DPP6: variants seen among roughly 807,000 people sequenced by gnomAD.
DPP6 encodes A-type potassium channel modulatory protein DPP6.
A neutral mutation model predicts 122.6 loss-of-function variants in DPP6; 69 were observed. The observed-to-expected ratio is 0.56, with a 90% CI of 0.46 to 0.69. The LOEUF is 0.69. Among genes scored for constraint, DPP6 ranks in the 30% least tolerant of loss-of-function variants. DPP6 has a pLI of 0.00. For synonymous variants in DPP6, 418 were observed against 433.1 expected, an observed-to-expected ratio of 0.97 and a Z score of 0.43; for missense variants, 928 against 1,116.9, an observed-to-expected ratio of 0.83 and a Z score of 2.41.
At chr7:154,229,075 G>A (rs904198646) in intron 1 of DPP6, among the ~76,000 whole-genome samples, 6 of 152,210 alleles carry the variant, frequency 3.9e-5, no homozygotes, top group Admixed American at 3.9e-4. Flanking sequence ...GGTTTCTTGG[G>A]CGTTTTTTTT....
In DPP6 at chr7:154,755,826, G is replaced by A. The variant is rs982396338; in HGVS notation, c.884-13591G>A. Among the ~76,000 whole-genome samples, 23 of 152,312 alleles carry A rather than the reference G, an allele frequency of 1.5e-4. No homozygotes were observed. Among genetic ancestry groups the A allele is most frequent in the Admixed American group, 7.2e-4 (11 of 15,306 alleles). ...GAGGTCGGAGTGGGGCGCGTCCCAG[G>A]TCGGGAATGTTAGGACAAGGTGGCC... On this transcript the variant is annotated intron_variant, in intron 8 of 25. Coordinates refer to ENST00000377770, the MANE Select transcript of DPP6 (RefSeq NM_130797.4). The surrounding 1 kb of genome is among the most constrained non-coding windows in gnomAD (Gnocchi z 4.7).
intron 1 of DPP6, among the ~76,000 whole-genome samples, chr7:154,216,917 A>T (rs555693743): frequency 1.1e-5 from 1 of 88,468 alleles, no homozygotes; most frequent in African/African-American, 2.9e-5. Context: ...TAACTGTGGA[A>T]GTGAAACCTC....
chr7:153,934,767 G>A (rs551833629), intron 1 of DPP6, among the ~76,000 whole-genome samples: 3 of 152,212 alleles, frequency 2.0e-5, no homozygotes, highest in Admixed American at 6.5e-5. Flanking sequence ...TGCAGGAAAC[G>A]AGGAAGCAGA....
intron 6 of DPP6, among the ~76,000 whole-genome samples, chr7:154,660,556 T>C (rs1837583438): frequency 7.0e-6 from 1 of 143,656 alleles, no homozygotes; most frequent in Non-Finnish European, 1.5e-5. Context: ...ATAGTCATGG[T>C]GAATCACCAT....
chr7:153,869,017 CAGTT>C, the DPP6 span, among the ~76,000 whole-genome samples: 578 of 131,470 alleles, frequency 4.4e-3, 2 homozygotes, highest in Middle Eastern at 0.023. Flanking sequence ...GTCTGAGAGA[CAGTT>C]TGTTATAATT....
In DPP6 at chr7:153,928,395, C is replaced by CTTT. The variant is rs1467865041; in HGVS notation, c.51+40661_51+40662insTTT. Among the ~76,000 whole-genome samples the CTTT allele has an allele frequency of 7.2e-3, 216 of 29,914 alleles. 6 individuals are homozygous for CTTT. Among genetic ancestry groups the CTTT allele is most frequent in the African/African-American group, 0.024 (179 of 7,460 alleles). The allele number at this position is 29,914 out of a possible 152,430, so 19.6% of individuals were successfully genotyped here. On this transcript the variant is annotated intron_variant, in intron 1 of 25. Coordinates refer to the DPP6 transcript ENST00000404039. ...CCTGGCTAATTTTTTTCTTTTCTTTCATTTTTTTTTTTTTTTTTTTTTTTT... is the reference window on the plus strand; with the variant it reads ...CCTGGCTAATTTTTTTCTTTTCTTTCTTTATTTTTTTTTTTTTTTTTTTTTTTT...
intron 1 of DPP6, among the ~76,000 whole-genome samples, chr7:154,298,468 C>G (rs564904377): frequency 1.1e-4 from 17 of 152,260 alleles, no homozygotes; most frequent in African/African-American, 3.9e-4. Flanking sequence ...TGTGCCTGTG[C>G]TCTTATTGCA....
chr7:154,595,208 T>TG (rs1488522641), intron 5 of DPP6, among the ~76,000 whole-genome samples: 2 of 152,176 alleles, frequency 1.3e-5, no homozygotes, highest in East Asian at 3.9e-4. Flanking sequence ...CGTTGCCATC[T>TG]TCCTGCCCTT....
intron 7 of DPP6, among the ~76,000 whole-genome samples, chr7:154,669,690 A>G (rs1474921364): frequency 6.6e-6 from 1 of 152,186 alleles, no homozygotes; most frequent in East Asian, 1.9e-4. Context: ...TGACATGGTT[A>G]AAGTGGTGCC....
chr7:154,431,456 CTTTT>C lies in DPP6; in HGVS notation c.244-14757_244-14754del, dbSNP rs1818376498. On this transcript the variant is annotated intron_variant, in intron 1 of 25. Transcript: ENST00000377770. The stretch of plus-strand genomic sequence containing the variant: ...GTTTTTCTTTCCTTTCTTTTCTTTT[CTTTT>C]CTTTTCTTTTCTTTTCTTTTCTTTT... Among the ~76,000 whole-genome samples, 3 of 8,744 alleles carry C rather than the reference CTTTT, an allele frequency of 3.4e-4. 1 individual carries two copies. The highest frequency in any genetic ancestry group is 5.7e-4 in the Non-Finnish European group (3 of 5,302). 5.7% of individuals were successfully genotyped at this position (8,744 alleles called of 152,430 possible). A position where few individuals can be genotyped will look rare whatever the true frequency, so the allele number is the denominator to read the frequency against.
intron 1 of DPP6, among the ~76,000 whole-genome samples, chr7:154,187,341 G>A (rs7796632): frequency 2.0e-5 from 3 of 152,046 alleles, no homozygotes; most frequent in Non-Finnish European, 2.9e-5. Context: ...TGGCTGGAAA[G>A]TGAAGAGTAT....
the DPP6 span, among the ~76,000 whole-genome samples, chr7:153,835,303 C>T: frequency 6.6e-6 from 1 of 152,014 alleles, no homozygotes; most frequent in Non-Finnish European, 1.5e-5. Context: ...AGGCTGTCTT[C>T]CTGGTGTCTT....
chr7:154,218,451 G>A (rs944586099), intron 1 of DPP6, among the ~76,000 whole-genome samples: 3 of 152,168 alleles, frequency 2.0e-5, no homozygotes, highest in Admixed American at 1.3e-4. Flanking sequence ...TGCACATGTC[G>A]TTGTCACCTT....
At chr7:154,677,454 AT>A (rs893081662) in intron 7 of DPP6, among the ~76,000 whole-genome samples, 1 of 152,210 alleles carries the variant, frequency 6.6e-6, no homozygotes, top group Non-Finnish European at 1.5e-5. Flanking sequence ...AATAAAAATA[AT>A]TTTTTAAAGT....
At chr7:154,240,796 T>G (rs1801542112) in intron 1 of DPP6, among the ~76,000 whole-genome samples, 1 of 152,216 alleles carries the variant, frequency 6.6e-6, no homozygotes, top group Non-Finnish European at 1.5e-5. Flanking sequence ...TCCAGCATTC[T>G]CTCCTCGGAA....
chr7:154,573,342 C>T (rs1032756187), intron 5 of DPP6, among the ~76,000 whole-genome samples: 2 of 152,182 alleles, frequency 1.3e-5, no homozygotes, highest in Non-Finnish European at 2.9e-5. Context: ...CCATTTCTAC[C>T]ACACCTGCCG....
chr7:154,201,159 C>T (rs1003282227), intron 1 of DPP6, among the ~76,000 whole-genome samples: 2 of 152,044 alleles, frequency 1.3e-5, no homozygotes, highest in Non-Finnish European at 2.9e-5. Flanking sequence ...TGGAGTTTCC[C>T]TCCTGTCCCC....
At chr7:154,374,334 C>T (rs1480370639) in intron 1 of DPP6, among the ~76,000 whole-genome samples, 1 of 152,188 alleles carries the variant, frequency 6.6e-6, no homozygotes, top group African/African-American at 2.4e-5. Flanking sequence ...AGGTCAGCTT[C>T]CTAAGTGTCT....
chr7:153,867,592 G>A, the DPP6 span, among the ~76,000 whole-genome samples: 1 of 152,202 alleles, frequency 6.6e-6, no homozygotes. Context: ...CATGTCATTT[G>A]CAAACAGGGA....
Sources: gnomAD v4.1 joint callset for allele counts (sites outside exome capture counted in the v4.1 genomes callset) on GRCh38, gnomAD v4.1.1 for gene constraint, Gnocchi (gnomAD v3.1) non-coding constraint, MANE v1.5 for transcripts, NCBI Gene and HGNC (gene_info 2026-07-23, HGNC 2026-07-21) for gene names.